Variants in RBFOX1 observed in about 807,000 individuals in gnomAD.
RBFOX1 encodes the protein RNA binding fox-1 homolog 1.
A neutral mutation model predicts 57.7 loss-of-function variants in RBFOX1; 8 were observed. That is an observed-to-expected ratio of 0.14 (90% CI 0.08 to 0.25). RBFOX1 has a LOEUF of 0.25. RBFOX1 is among the 10% of genes least tolerant of loss of function. The pLI, the probability that RBFOX1 is intolerant of heterozygous loss-of-function variation, is 1.00. For missense variants in RBFOX1, 611 were observed against 548.5 expected (o/e 1.11, Z -1.14); for synonymous variants, 326 against 222.4 (o/e 1.47, Z -4.15).
chr16:6,848,766 A>G (rs575074304), intron 3 of RBFOX1, among the ~76,000 whole-genome samples: 4 of 152,278 alleles, frequency 2.6e-5, no homozygotes, highest in African/African-American at 9.6e-5. Context: ...GCCAAGTAGA[A>G]GAAACTCAGC....
chr16:5,979,757 G>A (rs2060135256), intron 4 of RBFOX1, among the ~76,000 whole-genome samples: 1 of 152,186 alleles, frequency 6.6e-6, no homozygotes, highest in African/African-American at 2.4e-5. Context: ...AGCTGCTCCG[G>A]AGGCTGAGTT....
chr16:5,340,426 C>G (rs1316944035), intron 1 of RBFOX1, among the ~76,000 whole-genome samples: 1 of 152,188 alleles, frequency 6.6e-6, no homozygotes, highest in Admixed American at 6.5e-5. Flanking sequence ...GATTCTGAGA[C>G]TTGCTTAGCA....
At chr16:6,973,419 A>T (rs192418154) in intron 3 of RBFOX1, among the ~76,000 whole-genome samples, 3 of 152,210 alleles carry the variant, frequency 2.0e-5, no homozygotes, top group African/African-American at 7.2e-5. Flanking sequence ...ATCAGGAAGC[A>T]TTCTTCCCAG....
intron 3 of RBFOX1, among the ~76,000 whole-genome samples, chr16:6,940,060 C>CA (rs2078090788): frequency 6.6e-6 from 1 of 152,082 alleles, no homozygotes; most frequent in South Asian, 2.1e-4. Flanking sequence ...ACTGAAAATA[C>CA]AAAAAATAGT....
chr16:7,601,263 G>C (rs2095006421), intron 9 of RBFOX1, among the ~76,000 whole-genome samples: 1 of 152,198 alleles, frequency 6.6e-6, no homozygotes, highest in African/African-American at 2.4e-5. Context: ...CAGCTCTCTA[G>C]TGGGAACTGT....
intron 12 of RBFOX1, among the ~76,000 whole-genome samples, chr16:7,660,327 G>C (rs2067396416): frequency 6.6e-6 from 1 of 152,210 alleles, no homozygotes; most frequent in Admixed American, 6.5e-5. Flanking sequence ...TGCATGGCTA[G>C]ACGGACCATC....
At chr16:7,659,892 T>G (rs1481590313) in intron 12 of RBFOX1, among the ~76,000 whole-genome samples, 1 of 152,072 alleles carries the variant, frequency 6.6e-6, no homozygotes. Flanking sequence ...ATAATCTGAT[T>G]AAAAATTCTC....
intron 1 of RBFOX1, among the ~76,000 whole-genome samples, chr16:5,337,010 T>A (rs372330366): frequency 1.6e-4 from 24 of 152,322 alleles, no homozygotes; most frequent in African/African-American, 5.8e-4. Flanking sequence ...TTAATTGCTT[T>A]CCAAGCTCCC....
At chr16:6,800,566 G>T (rs112337893) in intron 3 of RBFOX1, among the ~76,000 whole-genome samples, 1 of 152,080 alleles carries the variant, frequency 6.6e-6, no homozygotes, top group African/African-American at 2.4e-5. Context: ...CAAGCTTCTA[G>T]AGGGCCCGGT....
intron 3 of RBFOX1, among the ~76,000 whole-genome samples, chr16:5,746,126 A>G (rs551047801): frequency 5.5e-4 from 84 of 152,274 alleles, no homozygotes; most frequent in African/African-American, 1.8e-3. Flanking sequence ...TAAGGTGTAA[A>G]GAAGGGATCC....
rs1044170523 is a variant in RBFOX1, at chr16:7,609,667, A to G, written c.676+2329A>G. Among the ~76,000 whole-genome samples, 14 of 152,272 alleles carry G rather than the reference A, an allele frequency of 9.2e-5. 1 individual carries two copies. Among genetic ancestry groups the G allele is most frequent in the Admixed American group, 7.8e-4 (12 of 15,296 alleles). Reference sequence around the variant, plus strand: ...ATTTAATGCTCATGGCGATTTTCCAAATGAGGATACCAAAATGCAAAAAGT... The same window carrying G: ...ATTTAATGCTCATGGCGATTTTCCAGATGAGGATACCAAAATGCAAAAAGT... On this transcript the variant is annotated intron_variant, in intron 10 of 15. Coordinates refer to ENST00000550418, the MANE Select transcript of RBFOX1 (RefSeq NM_018723.4).
At chr16:6,156,642 G>A (rs2096840437) in intron 1 of RBFOX1, among the ~76,000 whole-genome samples, 1 of 152,228 alleles carries the variant, frequency 6.6e-6, no homozygotes, top group African/African-American at 2.4e-5. Flanking sequence ...GTTGTGGGGG[G>A]ATCCAAGAGG....
chr16:6,636,014 G>C (rs748227819), intron 2 of RBFOX1, among the ~76,000 whole-genome samples: 52 of 152,242 alleles, frequency 3.4e-4, no homozygotes, highest in Middle Eastern at 3.4e-3. Context: ...TAACCTGAAA[G>C]TACTTGTGTA....
intron 4 of RBFOX1, 136 bp from the exon 5 acceptor site, chr16:7,518,011 C>A: frequency 9.9e-7 from 1 of 1,014,786 alleles, no homozygotes; most frequent in Non-Finnish European, 1.4e-6. Flanking sequence ...GAGATTGGTC[C>A]ATCTCAGGCT....
intron 2 of RBFOX1, among the ~76,000 whole-genome samples, chr16:6,359,212 C>G (rs886784150): frequency 6.6e-6 from 1 of 152,182 alleles, no homozygotes; most frequent in African/African-American, 2.4e-5. Context: ...CCTGCCTCTG[C>G]CTCCTGAGTA....
intron 4 of RBFOX1, among the ~76,000 whole-genome samples, chr16:7,328,261 C>G (rs1052775407): frequency 3.9e-4 from 59 of 152,068 alleles, no homozygotes; most frequent in African/African-American, 1.4e-3. Flanking sequence ...GCAGGTAGAT[C>G]ATGAGGTCAG....
intron 2 of RBFOX1, among the ~76,000 whole-genome samples, chr16:6,610,443 T>G (rs551665443): frequency 6.6e-6 from 1 of 152,196 alleles, no homozygotes; most frequent in East Asian, 1.9e-4. Context: ...TCCTCCCACT[T>G]CAGCCTCCAG....
chr16:6,722,854 G>A (rs759016929), intron 3 of RBFOX1, among the ~76,000 whole-genome samples: 23 of 152,174 alleles, frequency 1.5e-4, no homozygotes, highest in Non-Finnish European at 2.4e-4. Flanking sequence ...AAATCCAAAT[G>A]TAGCTTTGGC....
At chr16:6,807,353 G>C (rs1183007365) in intron 3 of RBFOX1, among the ~76,000 whole-genome samples, 4 of 152,078 alleles carry the variant, frequency 2.6e-5, no homozygotes, top group East Asian at 1.9e-4. Flanking sequence ...TGGGAATTTT[G>C]AGACAAGGAT....
Sources: gnomAD v4.1 joint callset for allele counts (sites outside exome capture counted in the v4.1 genomes callset) on GRCh38, gnomAD v4.1.1 for gene constraint, MANE v1.5 for transcripts, NCBI Gene and HGNC (gene_info 2026-07-23, HGNC 2026-07-21) for gene names.